PTPRE: variants seen among roughly 807,000 people sequenced by gnomAD.
PTPRE encodes the protein protein tyrosine phosphatase receptor type E.
A neutral mutation model predicts 102.0 loss-of-function variants in PTPRE; 51 were observed. The observed-to-expected ratio is 0.50, with a 90% CI of 0.40 to 0.63. The LOEUF (loss-of-function observed/expected upper bound fraction) is 0.63, where lower values mean the gene tolerates loss of function less well. PTPRE is among the 30% of genes least tolerant of loss of function. PTPRE has a pLI of 0.00. For synonymous variants in PTPRE, 345 were observed against 348.2 expected, an observed-to-expected ratio of 0.99 and a Z score of 0.10; for missense variants, 752 against 915.1, an observed-to-expected ratio of 0.82 and a Z score of 2.30.
chr10:128,066,199 G>T lies in PTPRE; in HGVS notation c.843+5G>T. The T allele has an allele frequency of 6.2e-7, 1 of 1,612,984 alleles. No homozygotes were observed. Among genetic ancestry groups the T allele is most frequent in the Non-Finnish European group, 8.5e-7 (1 of 1,179,026 alleles). ...CGGAAGTTCTGCATACAGCCAGTAA[G>T]CATCTCTAGTTGCTGCCCTTCCAGA... On this transcript the variant is annotated splice_donor_5th_base_variant and intron_variant, in intron 11 of 20. Transcript: ENST00000254667.
chr10:128,058,827 G>A (rs547596799), intron 7 of PTPRE, among the ~76,000 whole-genome samples: 8 of 152,226 alleles, frequency 5.3e-5, no homozygotes, highest in African/African-American at 1.9e-4. Flanking sequence ...CCAGCCCCTG[G>A]CACCTTCCCT....
intron 7 of PTPRE, among the ~76,000 whole-genome samples, chr10:128,060,637 C>G (rs140414523): frequency 2.2e-4 from 34 of 152,274 alleles, no homozygotes; most frequent in Admixed American, 2.2e-3. Flanking sequence ...TTCTGCTATT[C>G]TTGCTATGTA....
intron 1 of PTPRE, among the ~76,000 whole-genome samples, chr10:127,909,241 C>A (rs1479310143): frequency 1.3e-5 from 2 of 152,116 alleles, no homozygotes; most frequent in African/African-American, 2.4e-5. Flanking sequence ...GTGTGTACAT[C>A]CTTGCCCCTG....
At chr10:127,939,620 G>GCTCC (rs1180351187) in intron 1 of PTPRE, among the ~76,000 whole-genome samples, 4 of 152,214 alleles carry the variant, frequency 2.6e-5, no homozygotes, top group Non-Finnish European at 4.4e-5. Context: ...AACCCAAGGA[G>GCTCC]TTGGGTTGCT....
intron 2 of PTPRE, among the ~76,000 whole-genome samples, chr10:127,986,491 T>C (rs1475793082): frequency 7.2e-5 from 11 of 152,254 alleles, no homozygotes; most frequent in Admixed American, 6.5e-4. Context: ...CTTTGGTTCA[T>C]GGAAATACCC....
intron 2 of PTPRE, among the ~76,000 whole-genome samples, 169 bp from the exon 3 acceptor site, chr10:128,040,706 G>A (rs1188929208): frequency 6.6e-6 from 1 of 152,196 alleles, no homozygotes; most frequent in Non-Finnish European, 1.5e-5. Flanking sequence ...TATCCCCCTG[G>A]TGTTGAGAAG....
intron 3 of PTPRE, among the ~76,000 whole-genome samples, chr10:128,044,816 C>T (rs760421169): frequency 4.6e-5 from 7 of 152,174 alleles, no homozygotes; most frequent in Non-Finnish European, 1.0e-4. Context: ...GCCCAGAGGA[C>T]ATATTTTTGT....
chr10:128,078,597 C>G (rs929088679), intron 19 of PTPRE, among the ~76,000 whole-genome samples: 10 of 152,240 alleles, frequency 6.6e-5, no homozygotes, highest in Non-Finnish European at 1.5e-4. Flanking sequence ...CTTTCACCCC[C>G]ACCCACTGTC....
At chr10:128,041,377 C>T (rs948492005) in intron 3 of PTPRE, among the ~76,000 whole-genome samples, 17 of 152,052 alleles carry the variant, frequency 1.1e-4, no homozygotes, top group Admixed American at 9.2e-4. Flanking sequence ...AGGCCGGGTG[C>T]GGTGGCTCAT....
At chr10:128,023,763 G>A (rs893119671) in intron 2 of PTPRE, among the ~76,000 whole-genome samples, 8 of 152,214 alleles carry the variant, frequency 5.3e-5, no homozygotes, top group Admixed American at 6.5e-5. Flanking sequence ...TGAGGGCAGT[G>A]TCCTTGGTGT....
intron 1 of PTPRE, among the ~76,000 whole-genome samples, chr10:127,946,641 C>G (rs1329562794): frequency 6.6e-6 from 1 of 152,174 alleles, no homozygotes; most frequent in Non-Finnish European, 1.5e-5. Flanking sequence ...ATTGTGGGTA[C>G]AGGGACAAAG....
chr10:127,911,901 A>G (rs1163612885), intron 1 of PTPRE, among the ~76,000 whole-genome samples: 2 of 152,036 alleles, frequency 1.3e-5, no homozygotes, highest in Non-Finnish European at 2.9e-5. Context: ...CACCAAAAGC[A>G]GAGTGCTGGA....
intron 3 of PTPRE, among the ~76,000 whole-genome samples, chr10:128,044,579 C>T (rs1373353780): frequency 2.0e-5 from 3 of 152,200 alleles, no homozygotes; most frequent in Non-Finnish European, 2.9e-5. Flanking sequence ...ACACAAGTTG[C>T]AAGTGTATGT....
chr10:128,068,207 C>T lies in PTPRE; in HGVS notation c.928C>T (p.Pro310Ser), dbSNP rs775863000. 1.1e-5 allele frequency: 17 copies of T among 1,614,194 alleles called. No individual in the cohort carries two copies. The highest frequency in any genetic ancestry group is 1.4e-5 in the Non-Finnish European group (16 of 1,180,002). ...GCCCGACTTCGGAGTGCCTTTTACC[C>T]CCATTGGGATGCTGAAGTTCCTCAA... Reference protein sequence around the residue: ...SWPDFGVPFTPIGMLKFLKKV... With the variant: ...SWPDFGVPFTSIGMLKFLKKV... The change falls in exon 12 of 21, where the codon CCC (proline) becomes TCC (serine). Residue 310 changes from proline to serine, a missense_variant. This residue lies in a region of PTPRE where 636 missense variants were observed against 824.4 expected (regional missense o/e 0.77). Coordinates refer to ENST00000254667, the MANE Select transcript of PTPRE (RefSeq NM_006504.6).
chr10:127,912,246 G>A (rs772269242), intron 1 of PTPRE, among the ~76,000 whole-genome samples: 45 of 152,128 alleles, frequency 3.0e-4, no homozygotes, highest in Non-Finnish European at 5.7e-4. Context: ...TCAACTGTAT[G>A]AATACTTCAG....
At chr10:128,079,403 A>C (rs529894788) in intron 19 of PTPRE, among the ~76,000 whole-genome samples, 157 bp from the exon 20 acceptor site, 1 of 152,352 alleles carries the variant, frequency 6.6e-6, no homozygotes, top group Non-Finnish European at 1.5e-5. Flanking sequence ...CAGAAGTTAC[A>C]CTACATACAA....
At chr10:128,059,938 G>GCA (rs149583079) in intron 7 of PTPRE, among the ~76,000 whole-genome samples, 90,776 of 149,338 alleles carry the variant, frequency 0.61, 28,112 homozygotes, top group East Asian at 0.81. Context: ...CACACTACAT[G>GCA]CACACACACA....
intron 2 of PTPRE, among the ~76,000 whole-genome samples, chr10:128,021,934 C>T (rs1241709807): frequency 1.3e-5 from 2 of 152,184 alleles, no homozygotes; most frequent in African/African-American, 4.8e-5. Flanking sequence ...CAGTAGTTGG[C>T]CGCAATTTTC....
In PTPRE at chr10:128,047,705, G is replaced by A. The variant is rs368019844; in HGVS notation, c.210-59G>A. ...CCTGGTGGGTATCACTGTGCCGAGC[G>A]CTGTTGGCTCTCGGGGAACCTAGAA... On this transcript the variant is annotated intron_variant, in intron 4 of 20. Transcript: ENST00000254667. 123 of 1,613,994 alleles carry A rather than the reference G, an allele frequency of 7.6e-5. No homozygotes were observed. In the South Asian group the frequency reaches 8.0e-4, roughly 11 times the overall value.
Sources: gnomAD v4.1 joint callset for allele counts (sites outside exome capture counted in the v4.1 genomes callset) on GRCh38, gnomAD v4.1.1 for gene constraint, gnomAD v4.1.1 regional missense constraint, MANE v1.5 for transcripts, NCBI Gene and HGNC (gene_info 2026-07-23, HGNC 2026-07-21) for gene names.